The following COL16A1 variants were observed in gnomAD, a reference collection of about 807,000 sequenced individuals.
The protein encoded by COL16A1 is collagen type XVI alpha 1 chain, also known as collagen alpha-1(XVI) chain.
Under a neutral mutation model 266.3 loss-of-function variants are expected in COL16A1, and 189 were observed. The ratio of observed to expected loss-of-function variants is 0.71; its 90% CI spans 0.63 to 0.80. The LOEUF (loss-of-function observed/expected upper bound fraction) is 0.80. Among genes scored for constraint, COL16A1 ranks in the 30% least tolerant of loss-of-function variants. COL16A1 has a pLI of 0.00. For synonymous variants in COL16A1, 740 were observed against 782.3 expected (o/e 0.95, Z 0.90); for missense variants, 1,928 against 2,122.4 (o/e 0.91, Z 1.80).
At chr1:31,702,407 G>C (rs142493614) in intron 1 of COL16A1, among the ~76,000 whole-genome samples, 180 bp from the exon 2 acceptor site, 1 of 152,336 alleles carries the variant, frequency 6.6e-6, no homozygotes, top group East Asian at 1.9e-4. Flanking sequence ...GATTTGAGCA[G>C]AGGCGATATT....
chr1:31,691,382 G>GA, intron 19 of COL16A1, 35 bp downstream of exon 19: 1 of 1,595,966 alleles, frequency 6.3e-7, no homozygotes, highest in Non-Finnish European at 8.5e-7. Context: ...CGGTCTCTGA[G>GA]AAAAGCACAG....
chr1:31,681,203 C>A, intron 37 of COL16A1, 136 bp from the exon 38 acceptor site: 1 of 1,263,624 alleles, frequency 7.9e-7, no homozygotes, highest in South Asian at 1.6e-5. Context: ...GGCCCACGTT[C>A]CAGAGGAGGA....
At position 31,655,417 on chromosome 1, in the gene COL16A1, G is replaced by A; in HGVS notation, c.4187C>T (p.Ser1396Phe). Residue 1396 changes from serine to phenylalanine, a missense_variant, in exon 67 of 71, where the codon TCC becomes TTC. Transcript: ENST00000373672. ...GMPGGPGKSG[S>F]MGPVGPPGPA... ...GCCCGGTGGCCCAACAGGCCCCATG[G>A]AACCACTCTTGCCAGGTCCACCAGG... is the stretch of plus-strand genomic sequence containing the variant. 6.2e-7 allele frequency: 1 copy of A among 1,613,988 alleles called. No homozygotes were observed. The highest frequency in any genetic ancestry group is 8.5e-7 in the Non-Finnish European group (1 of 1,179,984).
rs1225761446 is a variant in COL16A1 at position 31,668,279 on chromosome 1, G to C, written c.3250-61C>G. The C allele has an allele frequency of 1.4e-5, 22 of 1,567,254 alleles. No homozygotes were observed. Among genetic ancestry groups the C allele is most frequent in the Non-Finnish European group, 1.8e-5 (20 of 1,138,644 alleles). ...AACATTTCTGTTCTCCCCTCGCTGG[G>C]TAAGAGGATGGCCAAAGCTAAAACC... On this transcript the variant is annotated intron_variant, in intron 50 of 70. Coordinates refer to ENST00000373672, the MANE Select transcript of COL16A1 (RefSeq NM_001856.4). The surrounding 1 kb of genome is among the most constrained non-coding windows in gnomAD (Gnocchi z 5.8).
Position 31,689,867 on chromosome 1 carries a change from G to T in COL16A1, c.1510-16C>A, listed in dbSNP as rs375620574. The stretch of plus-strand genomic sequence containing the variant: ...AGGGGTCACCCTAGCAGAAGGGAGA[G>T]GCAGTATGTGGACAGGGTGGGGCTG... On this transcript the variant is annotated splice_polypyrimidine_tract_variant and intron_variant, in intron 22 of 70. Transcript: ENST00000373672. The T allele has an allele frequency of 3.1e-6, 5 of 1,610,304 alleles. No homozygotes were observed. Among genetic ancestry groups the T allele is most frequent in the Non-Finnish European group, 4.2e-6 (5 of 1,176,674 alleles).
chr1:31,694,214 G>A lies in COL16A1; in HGVS notation c.982-44C>T, dbSNP rs115431425. On this transcript the variant is annotated intron_variant, in intron 11 of 70. Transcript: ENST00000373672. ...GGGCATCACACTTCCGGTAGAGAGA[G>A]AAAACCAGGGGCCCAGAGAAGTCAA... 4,343 of 1,540,184 alleles carry A rather than the reference G, an allele frequency of 2.8e-3. 123 individuals carry two copies. The African/African-American group carries it at 0.053, about 19-fold the overall frequency.
intron 37 of COL16A1, 91 bp downstream of exon 37, chr1:31,682,843 G>A: frequency 6.6e-7 from 1 of 1,517,162 alleles, no homozygotes; most frequent in Non-Finnish European, 9.0e-7. Flanking sequence ...TGTGCTGCTG[G>A]GATGGGCAGG....
Position 31,685,598 on chromosome 1 carries a change from G to A in COL16A1, c.2016+41C>T. 1.3e-6 allele frequency: 2 copies of A among 1,594,802 alleles called. No individual in the cohort carries two copies. Among genetic ancestry groups the A allele is most frequent in the South Asian group, 1.1e-5 (1 of 89,300 alleles). ...CCCTCCCCTCTCCTTAGCCCCGCCT[G>A]CATCCCCCGTCCAGAGGCCCCTGCC... On this transcript the variant is annotated intron_variant, in intron 29 of 70. Transcript: ENST00000373672. This position sits in a 1 kb window ranked among gnomAD's most constrained non-coding sequence, Gnocchi z 4.0.
intron 44 of COL16A1, among the ~76,000 whole-genome samples, chr1:31,674,516 G>A (rs1334607505): frequency 6.6e-6 from 1 of 152,220 alleles, no homozygotes; most frequent in Non-Finnish European, 1.5e-5. Flanking sequence ...GACCAGGTCC[G>A]AAGTCCCCTT....
In COL16A1 at chr1:31,698,431, A is replaced by G; in HGVS notation, c.390+52T>C. 4 of 1,608,954 alleles carry G rather than the reference A, an allele frequency of 2.5e-6. No individual in the cohort carries two copies. ...CAAGCCGGGATGAAAGGTGGGCTGG[A>G]CTGGTGCTACCCAATGCCCTAAGAG... On this transcript the variant is annotated intron_variant, in intron 5 of 70. Coordinates refer to ENST00000373672, the MANE Select transcript of COL16A1 (RefSeq NM_001856.4). This position sits in a 1 kb window ranked among gnomAD's most constrained non-coding sequence, Gnocchi z 4.1.
At chr1:31,684,500 C>A in intron 31 of COL16A1, 23 bp downstream of exon 31, 6 of 1,601,360 alleles carry the variant, frequency 3.7e-6, no homozygotes, top group Non-Finnish European at 5.1e-6. Flanking sequence ...ACTCCCCGAC[C>A]CCAACCACCC....
chr1:31,652,555 AC>A lies in COL16A1; in HGVS notation c.*95del, dbSNP rs1456076704. 152 of 1,208,730 alleles carry A rather than the reference AC, an allele frequency of 1.3e-4. No individual in the cohort carries two copies. The African/African-American group carries it at 1.4e-3, about 11-fold the overall frequency. 74.9% of individuals were successfully genotyped at this position (1,208,730 alleles called of 1,614,324 possible). On this transcript the variant is annotated 3_prime_UTR_variant, in exon 71 of 71. Transcript: ENST00000373672. The surrounding 1 kb of genome is among the most constrained non-coding windows in gnomAD (Gnocchi z 4.8). ...TTAACAGCAATTAAAAACAACAACA[AC>A]AACAAAAAAAACATTCACAACCTGT...
At position 31,697,990 on chromosome 1, in the gene COL16A1, G is replaced by A. The variant is rs2148827537; in HGVS notation, c.573C>T (p.Ser191=). The A allele has an allele frequency of 6.2e-7, 1 of 1,613,476 alleles. No individual in the cohort carries two copies. Among genetic ancestry groups the A allele is most frequent in the Admixed American group, 1.7e-5 (1 of 60,016 alleles). Residue 191 remains serine (S), a synonymous_variant, in exon 6 of 71, where the codon TCC becomes TCT. Coordinates refer to ENST00000373672, the MANE Select transcript of COL16A1 (RefSeq NM_001856.4). The surrounding 1 kb of genome is among the most constrained non-coding windows in gnomAD (Gnocchi z 4.2). ...TGGGTCGTCGGGGCCCCAGAGGCTG[G>A]GAGGAGGCTGAGCTGCAGTCCACGT... ...SVHVDCSSAS[S]QPLGPRRPMR... is the part of the protein sequence containing the mutation.
intron 1 of COL16A1, among the ~76,000 whole-genome samples, chr1:31,703,339 C>T (rs1391523052): frequency 1.3e-5 from 2 of 152,154 alleles, no homozygotes; most frequent in Admixed American, 6.5e-5. Context: ...ACCCCTTACC[C>T]CAATATATTT....
rs1438018047 is a variant in COL16A1, at chr1:31,697,797, A to G, written c.657+109T>C. 2.5e-5 allele frequency: 33 copies of G among 1,317,070 alleles called. No individual in the cohort carries two copies. Among genetic ancestry groups the G allele is most frequent in the Non-Finnish European group, 3.2e-5 (31 of 965,032 alleles). 81.6% of individuals were successfully genotyped at this position (1,317,070 alleles called of 1,614,324 possible). A position where few individuals can be genotyped will look rare whatever the true frequency, so the allele number is the denominator to read the frequency against. On this transcript the variant is annotated intron_variant, in intron 6 of 70. Coordinates refer to ENST00000373672, the MANE Select transcript of COL16A1 (RefSeq NM_001856.4). The surrounding 1 kb of genome is among the most constrained non-coding windows in gnomAD (Gnocchi z 4.2). The stretch of plus-strand genomic sequence containing the variant: ...TGCATTTGGAGGGCAACAGGAAAGC[A>G]GGGGAAGATTCTAAGCAGGAGAAGG...
chr1:31,698,674 C>T lies in COL16A1; in HGVS notation c.267-68G>A. Reference sequence around the variant, plus strand: ...ACCCAAATGCTGCCCACCCTGAGCCCTCAGGACTGCTGAGCCTACCCAAGA... The same window carrying T: ...ACCCAAATGCTGCCCACCCTGAGCCTTCAGGACTGCTGAGCCTACCCAAGA... On this transcript the variant is annotated intron_variant, in intron 4 of 70. Coordinates refer to ENST00000373672, the MANE Select transcript of COL16A1 (RefSeq NM_001856.4). The surrounding 1 kb of genome is among the most constrained non-coding windows in gnomAD (Gnocchi z 4.1). The T allele has an allele frequency of 1.3e-6, 2 of 1,585,408 alleles. No individual in the cohort carries two copies. Among genetic ancestry groups the T allele is most frequent in the African/African-American group, 2.7e-5 (2 of 74,536 alleles).
rs1254769119 is a variant in COL16A1, at chr1:31,679,642, G to A, written c.2762C>T (p.Pro921Leu). The A allele has an allele frequency of 6.2e-7, 1 of 1,614,252 alleles. No homozygotes were observed. Among genetic ancestry groups the A allele is most frequent in the Non-Finnish European group, 8.5e-7 (1 of 1,180,050 alleles). Residue 921 changes from proline to leucine, a missense_variant, in exon 42 of 71, where the codon CCT (proline) becomes CTT (leucine). By Grantham distance (98) the Pro-to-Leu change is moderately conservative. Coordinates refer to ENST00000373672, the MANE Select transcript of COL16A1 (RefSeq NM_001856.4). ...CTTCTCCCCCTTTACCTGCAGCCCAGGTACTCCAGGGGGGCCTGGTGGTCC... is the reference window on the plus strand; with the variant it reads ...CTTCTCCCCCTTTACCTGCAGCCCAAGTACTCCAGGGGGGCCTGGTGGTCC... Reference protein sequence around the residue: ...IPGPPGPPGVPGLQGVPGNNG... With the variant: ...IPGPPGPPGVLGLQGVPGNNG...
chr1:31,680,339 G>A (rs759871986), intron 39 of COL16A1, among the ~76,000 whole-genome samples: 10 of 152,190 alleles, frequency 6.6e-5, no homozygotes, highest in Non-Finnish European at 1.5e-4. Context: ...AAATGGATTC[G>A]TGTATGCAGG....
In COL16A1 at chr1:31,652,393, T is replaced by G; in HGVS notation, c.*258A>C. 3.2e-6 allele frequency: 1 copy of G among 317,164 alleles called. No homozygotes were observed. Among genetic ancestry groups the G allele is most frequent in the Non-Finnish European group, 5.7e-6 (1 of 174,482 alleles). The allele number at this position is 317,164 out of a possible 1,614,324, so 19.6% of individuals were successfully genotyped here. On this transcript the variant is annotated 3_prime_UTR_variant, in exon 71 of 71. Transcript: ENST00000373672. The surrounding 1 kb of genome is among the most constrained non-coding windows in gnomAD (Gnocchi z 4.8). ...AGCTAGGATTACAGGTATATGCCCC[T>G]GTACCCAAAATGCCCTTTTTTGTTC...
Sources: allele counts gnomAD v4.1 joint callset (sites outside exome capture counted in the v4.1 genomes callset), GRCh38; gene constraint gnomAD v4.1.1; non-coding constraint Gnocchi (gnomAD v3.1); transcripts MANE v1.5; gene names NCBI Gene and HGNC (gene_info 2026-07-23, HGNC 2026-07-21).